The following OAS2 variants were observed in gnomAD, a reference collection of about 807,000 sequenced individuals.
OAS2 encodes the protein 2'-5'-oligoadenylate synthetase 2.
A neutral mutation model predicts 71.3 loss-of-function variants in OAS2; 67 were observed. The observed-to-expected ratio is 0.94, with a 90% confidence interval of 0.77 to 1.15. The LOEUF (loss-of-function observed/expected upper bound fraction) is 1.15. Ranked by LOEUF, OAS2 falls within the 50% of genes most tolerant of loss-of-function variation. The pLI is 0.00. For synonymous variants in OAS2, 327 were observed against 321.8 expected (o/e 1.02, Z -0.17); for missense variants, 789 against 822.5 (o/e 0.96, Z 0.50).
chr12:112,986,919 G>C, intron 1 of OAS2, 119 bp from the exon 2 acceptor site: 1 of 1,321,738 alleles, frequency 7.6e-7, no homozygotes, highest in Non-Finnish European at 1.0e-6. Context: ...ATGGATGCCT[G>C]CCACTCAATG....
chr12:113,007,994 T>C lies in OAS2; in HGVS notation c.1895+51T>C, dbSNP rs879050290. The C allele has an allele frequency of 3.0e-6, 4 of 1,316,294 alleles. No homozygotes were observed. The South Asian group carries it at 3.6e-5, about 12-fold the overall frequency. The allele number at this position is 1,316,294 out of a possible 1,614,324, so 81.5% of individuals were successfully genotyped here. ...TTCTTAACCTGATTCCCTTGAACAC[T>C]GTCTCAGCAACCTGGATTTTCCTCT... is the stretch of plus-strand genomic sequence containing the variant. On this transcript the variant is annotated intron_variant, in intron 9 of 9. Transcript: ENST00000392583.
chr12:112,993,647 A>G lies in OAS2; in HGVS notation c.449-1649A>G, dbSNP rs187293609. On this transcript the variant is annotated intron_variant, in intron 2 of 9. Coordinates refer to ENST00000392583, the MANE Select transcript of OAS2 (RefSeq NM_002535.3). ...GTAATTCCAACACTTTGGAAGGCCA[A>G]GGTGGGAGGATCACTTGAGGCCAGG... 9.9e-3 allele frequency among the ~76,000 whole-genome samples: 1,514 copies of G among 152,192 alleles called. 17 individuals are homozygous for G. The highest frequency in any genetic ancestry group is 0.017 in the Admixed American group (257 of 15,282).
rs147501815 is a variant in OAS2 at position 112,984,359 on chromosome 12, C to A, written c.178-2679C>A. ...TCTTTTTATGTTTTTGACTTAAAGT[C>A]TACTCTGTCTGATATAAGTATAGCT... On this transcript the variant is annotated intron_variant, in intron 1 of 9. Coordinates refer to ENST00000392583, the MANE Select transcript of OAS2 (RefSeq NM_002535.3). Among the ~76,000 whole-genome samples, 131 of 152,210 alleles carry A rather than the reference C, an allele frequency of 8.6e-4. 1 individual carries two copies. The highest frequency in any genetic ancestry group is 2.7e-3 in the African/African-American group (113 of 41,532).
chr12:112,991,585 T>C (rs2136382871), intron 2 of OAS2, among the ~76,000 whole-genome samples: 1 of 152,338 alleles, frequency 6.6e-6, no homozygotes, highest in African/African-American at 2.4e-5. Flanking sequence ...GGCTTCCAGA[T>C]CATAGGTAGA....
chr12:113,010,655 C>A lies in OAS2; in HGVS notation c.*1400C>A. 1.1e-6 allele frequency: 1 copy of A among 898,680 alleles called. No individual in the cohort carries two copies. Among genetic ancestry groups the A allele is most frequent in the East Asian group, 3.2e-5 (1 of 31,322 alleles). The allele number at this position is 898,680 out of a possible 1,614,324, so 55.7% of individuals were successfully genotyped here. ...AGTCTTGCCTTGCTGAACTCCCTCT[C>A]TGCAGGCAGCCTGCCTTTAAAAATA... On this transcript the variant is annotated 3_prime_UTR_variant, in exon 10 of 10. Transcript: ENST00000392583.
At chr12:113,001,511 T>C (rs547180614) in intron 5 of OAS2, among the ~76,000 whole-genome samples, 10 of 147,468 alleles carry the variant, frequency 6.8e-5, no homozygotes, top group Admixed American at 2.0e-4. Flanking sequence ...TCTATACACA[T>C]ATATATATAC....
In OAS2 at chr12:113,006,549, G is replaced by A. The variant is rs1157250037; in HGVS notation, c.1605G>A (p.Arg535=). Reference sequence around the variant, plus strand: ...TGCAGCGAAACTTCATTCGCTCCCGGCCCACCAAACTAAAGGATTTAATTC... The same window carrying A: ...TGCAGCGAAACTTCATTCGCTCCCGACCCACCAAACTAAAGGATTTAATTC... The part of the protein sequence containing the change: ...TVLQRNFIRS[R]PTKLKDLIRL... The change falls in exon 8 of 10, where the codon CGG becomes CGA. Residue 535 remains arginine (R), a synonymous_variant. Coordinates refer to ENST00000392583, the MANE Select transcript of OAS2 (RefSeq NM_002535.3). The A allele has an allele frequency of 1.2e-6, 2 of 1,612,318 alleles. No homozygotes were observed. The highest frequency in any genetic ancestry group is 8.5e-7 in the Non-Finnish European group (1 of 1,178,822).
chr12:112,984,155 G>A (rs183159597), intron 1 of OAS2, among the ~76,000 whole-genome samples: 11 of 152,190 alleles, frequency 7.2e-5, no homozygotes, highest in African/African-American at 1.2e-4. Context: ...GCAGTCTCTC[G>A]GTCTCTGTTT....
chr12:112,995,575 G>A (rs1593200648), intron 3 of OAS2, 101 bp downstream of exon 3: 30 of 1,134,808 alleles, frequency 2.6e-5, no homozygotes, highest in East Asian at 7.3e-5. Flanking sequence ...ACAGCTCAAC[G>A]CATTTTTTAC....
Position 113,011,647 on chromosome 12 carries a change from G to T in OAS2, c.*2392G>T, listed in dbSNP as rs1051148250. On this transcript the variant is annotated 3_prime_UTR_variant, in exon 10 of 10. Coordinates refer to ENST00000392583, the MANE Select transcript of OAS2 (RefSeq NM_002535.3). The stretch of plus-strand genomic sequence containing the variant: ...CTCCTGAGCTCTGGGCCCTTCCAGT[G>T]CTTGCCACCCTACATACTCTTTGTC... The T allele has an allele frequency of 6.6e-6, 1 of 152,180 alleles. No individual in the cohort carries two copies. Among genetic ancestry groups the T allele is most frequent in the South Asian group, 2.1e-4 (1 of 4,820 alleles). 9.4% of individuals were successfully genotyped at this position (152,180 alleles called of 1,614,324 possible). A position where few individuals can be genotyped will look rare whatever the true frequency, so the allele number is the denominator to read the frequency against.
chr12:113,000,105 A>G (rs2044270402), intron 5 of OAS2, among the ~76,000 whole-genome samples: 1 of 152,048 alleles, frequency 6.6e-6, no homozygotes, highest in African/African-American at 2.4e-5. Flanking sequence ...ACATCTCTTT[A>G]CCCTTAAATG....
Position 112,987,146 on chromosome 12 carries a change from G to C in OAS2, c.286G>C (p.Asp96His). Residue 96 changes from aspartate (D) to histidine (H), a missense_variant, in exon 2 of 10, where the codon GAC (aspartate) becomes CAC (histidine). Physicochemically the swap from Asp to His is moderately conservative, Grantham distance 81 (BLOSUM62 -1). Transcript: ENST00000392583. ...QFQDQKRSQR[D>H]ILDKTGDKLK... ...CCAGGATCAGAAGAGAAGCCAACGT[G>C]ACATCCTCGATAAAACTGGGGATAA... is the stretch of plus-strand genomic sequence containing the variant. The C allele has an allele frequency of 6.2e-7, 1 of 1,614,194 alleles. No individual in the cohort carries two copies. The highest frequency in any genetic ancestry group is 1.1e-5 in the South Asian group (1 of 91,078).
In OAS2 at chr12:113,010,546, A is replaced by G. The variant is rs2044372132; in HGVS notation, c.*1291A>G. The G allele has an allele frequency of 1.3e-6, 2 of 1,588,542 alleles. No homozygotes were observed. The highest frequency in any genetic ancestry group is 2.7e-5 in the African/African-American group (2 of 74,052). Reference sequence around the variant, plus strand: ...CCGTGAGAAAGAGTCACTCACATCCATTCTTCCCTTGATGGTCCCTATTCC... The same window carrying G: ...CCGTGAGAAAGAGTCACTCACATCCGTTCTTCCCTTGATGGTCCCTATTCC... On this transcript the variant is annotated 3_prime_UTR_variant, in exon 10 of 10. Transcript: ENST00000392583.
chr12:112,993,418 C>T (rs541774827), intron 2 of OAS2, among the ~76,000 whole-genome samples: 6 of 152,300 alleles, frequency 3.9e-5, no homozygotes, highest in Admixed American at 1.3e-4. Context: ...TTAGAGTAAA[C>T]ACACCATAAA....
intron 2 of OAS2, chr12:112,987,524 G>T: frequency 7.1e-7 from 1 of 1,414,232 alleles, no homozygotes; most frequent in Non-Finnish European, 9.2e-7. Flanking sequence ...TGGAGAAAAT[G>T]TTCTGGATTC....
rs553707683 is a variant in OAS2 at position 113,005,292 on chromosome 12, A to T, written c.1468+70A>T. ...GGTGGAGGGAGAGCCACGTGACTTG[A>T]TTACGGGCTCTGAAAACATGTGCCA... On this transcript the variant is annotated intron_variant, in intron 7 of 9. Transcript: ENST00000392583. 4.1e-6 allele frequency: 6 copies of T among 1,466,084 alleles called. No homozygotes were observed. In the East Asian group the frequency reaches 6.8e-5, roughly 17 times the overall value. The allele number at this position is 1,466,084 out of a possible 1,614,324, so 90.8% of individuals were successfully genotyped here.
intron 3 of OAS2, among the ~76,000 whole-genome samples, chr12:112,996,559 G>A (rs2044234303): frequency 6.6e-6 from 1 of 152,034 alleles, no homozygotes; most frequent in Non-Finnish European, 1.5e-5. Context: ...AACAGACTTT[G>A]GGATTGCAGT....
At chr12:112,988,288 A>G (rs1257749399) in intron 2 of OAS2, 2 of 927,590 alleles carry the variant, frequency 2.2e-6, no homozygotes, top group East Asian at 1.2e-4. Flanking sequence ...CAGACAATTC[A>G]CAAATCTAGA....
intron 8 of OAS2, among the ~76,000 whole-genome samples, chr12:113,007,101 G>A (rs2044341758): frequency 6.6e-6 from 1 of 152,170 alleles, no homozygotes; most frequent in South Asian, 2.1e-4. Flanking sequence ...GTAGGGTGCT[G>A]AGCAGCATCC....
Sources: allele counts gnomAD v4.1 joint callset (sites outside exome capture counted in the v4.1 genomes callset), GRCh38; gene constraint gnomAD v4.1.1; transcripts MANE v1.5; gene names NCBI Gene and HGNC (gene_info 2026-07-23, HGNC 2026-07-21).